The following HTRA1 variants were observed in gnomAD, a reference collection of about 807,000 sequenced individuals.
HTRA1 encodes HtrA serine peptidase 1, also known as serine protease HTRA1.
In HTRA1, 26 loss-of-function variants were observed where a neutral mutation model predicts 49.7. The observed-to-expected ratio is 0.52, with a 90% CI of 0.38 to 0.73. The LOEUF (loss-of-function observed/expected upper bound fraction) is 0.73. Ranked by LOEUF, HTRA1 falls within the 30% of genes least tolerant of loss-of-function variation. The pLI is 0.00. For missense variants in HTRA1, 561 were observed against 667.2 expected, an observed-to-expected ratio of 0.84 and a Z score of 1.75; for synonymous variants, 291 against 286.9, an observed-to-expected ratio of 1.01 and a Z score of -0.14.
Position 122,461,862 on chromosome 10 carries a change from G to T in HTRA1, c.210G>T (p.Ala70=), listed in dbSNP as rs1284190937. Residue 70 remains alanine, a synonymous_variant, in exon 1 of 9, where the codon GCG becomes GCT. Transcript: ENST00000368984. ...GCGGCTGCTGCGAGGTGTGCGGCGC[G>T]CCCGAGGGCGCCGCGTGCGGCCTGC... The part of the protein sequence containing the change: ...DACGCCEVCG[A]PEGAACGLQE... 1.7e-6 allele frequency: 2 copies of T among 1,203,224 alleles called. No homozygotes were observed. The highest frequency in any genetic ancestry group is 3.7e-5 in the East Asian group (1 of 27,022). The allele number at this position is 1,203,224 out of a possible 1,614,324, so 74.5% of individuals were successfully genotyped here. A position where few individuals can be genotyped will look rare whatever the true frequency, so the allele number is the denominator to read the frequency against.
In HTRA1 at chr10:122,476,533, G is replaced by A. The variant is rs189807378; in HGVS notation, c.473-12369G>A. Among the ~76,000 whole-genome samples, 20 of 152,338 alleles carry A rather than the reference G, an allele frequency of 1.3e-4. No individual in the cohort carries two copies. In the East Asian group the frequency reaches 3.7e-3, roughly 28 times the overall value. ...CCAGTCCTGACAGGTAAAGTTCAGT[G>A]GCGGGGACCCTGCATTTAGTGTAAA... On this transcript the variant is annotated intron_variant, in intron 1 of 8. Transcript: ENST00000368984.
intron 3 of HTRA1, 91 bp downstream of exon 3, chr10:122,489,717 C>T (rs1327533011): frequency 6.5e-6 from 8 of 1,226,022 alleles, no homozygotes; most frequent in Non-Finnish European, 9.3e-6. Context: ...GCAGCTGATT[C>T]TCGGGGGGCA....
chr10:122,496,228 C>T (rs2672604), intron 3 of HTRA1, among the ~76,000 whole-genome samples: 63,487 of 75,472 alleles, frequency 0.84, 26,086 homozygotes, highest in Middle Eastern at 0.9. Context: ...ATTGTGGGTT[C>T]TTTTTTTTTT....
intron 1 of HTRA1, among the ~76,000 whole-genome samples, chr10:122,484,157 G>A (rs1033970581): frequency 5.9e-5 from 9 of 152,284 alleles, no homozygotes; most frequent in Non-Finnish European, 8.8e-5. Context: ...GGGGCTTCCC[G>A]TCCTCATTGC....
intron 3 of HTRA1, among the ~76,000 whole-genome samples, chr10:122,504,840 A>C (rs1053689576): frequency 1.3e-5 from 2 of 151,922 alleles, no homozygotes; most frequent in Non-Finnish European, 2.9e-5. Flanking sequence ...GGAAGTGAGC[A>C]TGGGGCTGAG....
Position 122,488,975 on chromosome 10 carries a change from C to T in HTRA1, c.546C>T (p.Ala182=), listed in dbSNP as rs142127855. The change falls in exon 2 of 9, where the codon GCC becomes GCT. Residue 182 remains alanine (A), a synonymous_variant. Coordinates refer to ENST00000368984, the MANE Select transcript of HTRA1 (RefSeq NM_002775.5). ...ACGTGGTGGAGAAGATCGCCCCTGCCGTGGTTCATATCGAATTGTTTCGCA... is the reference window on the plus strand; with the variant it reads ...ACGTGGTGGAGAAGATCGCCCCTGCTGTGGTTCATATCGAATTGTTTCGCA... ...IADVVEKIAP[A]VVHIELFRKL... 13 of 1,613,728 alleles carry T rather than the reference C, an allele frequency of 8.1e-6. No homozygotes were observed. Among genetic ancestry groups the T allele is most frequent in the South Asian group, 2.2e-5 (2 of 91,066 alleles).
Position 122,488,966 on chromosome 10 carries a change from C to G in HTRA1, c.537C>G (p.Ile179Met). ...YNFIADVVEK[I>M]APAVVHIELF... ...TTATCGCGGACGTGGTGGAGAAGATCGCCCCTGCCGTGGTTCATATCGAAT... is the reference window on the plus strand; with the variant it reads ...TTATCGCGGACGTGGTGGAGAAGATGGCCCCTGCCGTGGTTCATATCGAAT... The change falls in exon 2 of 9, where the codon ATC becomes ATG. Residue 179 changes from isoleucine (I) to methionine (M), a missense_variant. This residue lies in a region of HTRA1 where 271 missense variants were observed against 410.0 expected (regional missense o/e 0.66). Coordinates refer to ENST00000368984, the MANE Select transcript of HTRA1 (RefSeq NM_002775.5). 6.2e-7 allele frequency: 1 copy of G among 1,614,010 alleles called. No individual in the cohort carries two copies. Among genetic ancestry groups the G allele is most frequent in the Non-Finnish European group, 8.5e-7 (1 of 1,179,898 alleles).
chr10:122,497,586 C>G (rs1448012006), intron 3 of HTRA1, among the ~76,000 whole-genome samples: 4 of 152,134 alleles, frequency 2.6e-5, no homozygotes, highest in Non-Finnish European at 4.4e-5. Flanking sequence ...GAGATACAAG[C>G]TGTTCCCTTT....
At chr10:122,466,490 CTCTT>C (rs1565407538) in intron 1 of HTRA1, among the ~76,000 whole-genome samples, 1 of 152,150 alleles carries the variant, frequency 6.6e-6, no homozygotes, top group Non-Finnish European at 1.5e-5. Flanking sequence ...ATTTAGGTGA[CTCTT>C]TCGTGGGAAC....
At chr10:122,473,420 A>G (rs189871830) in intron 1 of HTRA1, among the ~76,000 whole-genome samples, 1 of 152,298 alleles carries the variant, frequency 6.6e-6, no homozygotes, top group East Asian at 1.9e-4. Context: ...AGGAGGCCAG[A>G]CTGATTTGGT....
chr10:122,508,331 T>C (rs1342054443), intron 5 of HTRA1, among the ~76,000 whole-genome samples: 2 of 152,240 alleles, frequency 1.3e-5, no homozygotes, highest in Non-Finnish European at 2.9e-5. Context: ...GGCAGCCACC[T>C]AAAGGAGTTT....
chr10:122,463,369 G>A (rs1376096154), intron 1 of HTRA1, among the ~76,000 whole-genome samples: 1 of 152,188 alleles, frequency 6.6e-6, no homozygotes, highest in Non-Finnish European at 1.5e-5. Context: ...GAGTTGTCCC[G>A]GAGAGAAGTG....
At position 122,494,375 on chromosome 10, in the gene HTRA1, G is replaced by A. The variant is rs2133441401; in HGVS notation, c.777+4749G>A. Among the ~76,000 whole-genome samples the A allele has an allele frequency of 6.6e-6, 1 of 152,250 alleles. No homozygotes were observed. The highest frequency in any genetic ancestry group is 1.5e-5 in the Non-Finnish European group (1 of 68,020). ...AAGGCACCCGGGGCTCCTGCATCGAGCTTCCCTCCTATATTCAATGAGGAA... is the reference window on the plus strand; with the variant it reads ...AAGGCACCCGGGGCTCCTGCATCGAACTTCCCTCCTATATTCAATGAGGAA... On this transcript the variant is annotated intron_variant, in intron 3 of 8. Coordinates refer to ENST00000368984, the MANE Select transcript of HTRA1 (RefSeq NM_002775.5). This position sits in a 1 kb window ranked among gnomAD's most constrained non-coding sequence, Gnocchi z 4.0.
intron 3 of HTRA1, among the ~76,000 whole-genome samples, chr10:122,491,455 G>A (rs1042313135): frequency 1.3e-5 from 2 of 152,258 alleles, no homozygotes; most frequent in East Asian, 3.9e-4. Context: ...CGTGGGACCT[G>A]TTCAGCCTCA....
In HTRA1 at chr10:122,461,620, TCCGCCGCCACCG is replaced by T. The variant is rs934572048; in HGVS notation, c.-24_-13del. The T allele has an allele frequency of 9.3e-5, 118 of 1,262,198 alleles. No homozygotes were observed. The African/African-American group carries it at 1.8e-3, about 19-fold the overall frequency. The allele number at this position is 1,262,198 out of a possible 1,614,324, so 78.2% of individuals were successfully genotyped here. A position where few individuals can be genotyped will look rare whatever the true frequency, so the allele number is the denominator to read the frequency against. On this transcript the variant is annotated 5_prime_UTR_variant, in exon 1 of 9. Coordinates refer to ENST00000368984, the MANE Select transcript of HTRA1 (RefSeq NM_002775.5). ...GCGCCGCTCTCCGGCCCTCGCCCTGTCCGCCGCCACCGCCGCCGCCGCCAGAGTCGCCATGCA... is the reference window on the plus strand; with the variant it reads ...GCGCCGCTCTCCGGCCCTCGCCCTGTCCGCCGCCGCCAGAGTCGCCATGCA...
intron 1 of HTRA1, among the ~76,000 whole-genome samples, chr10:122,474,890 T>C (rs776210637): frequency 6.6e-6 from 1 of 152,206 alleles, no homozygotes; most frequent in Non-Finnish European, 1.5e-5. Context: ...ACACAATTTT[T>C]TTTTTCTTTG....
chr10:122,471,960 C>G (rs990897062), intron 1 of HTRA1, among the ~76,000 whole-genome samples: 1 of 152,180 alleles, frequency 6.6e-6, no homozygotes, highest in African/African-American at 2.4e-5. Context: ...TAGAAGATGA[C>G]TAAAAGACTA....
intron 3 of HTRA1, among the ~76,000 whole-genome samples, chr10:122,497,205 T>G (rs2097499089): frequency 6.6e-6 from 1 of 152,220 alleles, no homozygotes; most frequent in Non-Finnish European, 1.5e-5. Context: ...ACTCATGGTA[T>G]TTCCTTCTTT....
chr10:122,463,653 C>G (rs1474932152), intron 1 of HTRA1, among the ~76,000 whole-genome samples: 1 of 152,206 alleles, frequency 6.6e-6, no homozygotes, highest in Admixed American at 6.5e-5. Flanking sequence ...AGGCGGATGC[C>G]ACCACACCCA....
Sources: gnomAD v4.1 joint callset for allele counts (sites outside exome capture counted in the v4.1 genomes callset) on GRCh38, gnomAD v4.1.1 for gene constraint, gnomAD v4.1.1 regional missense constraint, Gnocchi (gnomAD v3.1) non-coding constraint, MANE v1.5 for transcripts, NCBI Gene and HGNC (gene_info 2026-07-23, HGNC 2026-07-21) for gene names.